MYPN: variants seen among roughly 807,000 people sequenced by gnomAD.
MYPN encodes sarcomeric protein myopalladin, 145 kDa (MYOP).
MYPN carries 63 observed loss-of-function variants against 129.4 expected under a neutral mutation model. That is an observed-to-expected ratio of 0.49 (90% CI 0.40 to 0.60). The LOEUF (loss-of-function observed/expected upper bound fraction) is 0.60. Among genes scored for constraint, MYPN ranks in the 20% least tolerant of loss-of-function variants. The pLI is 0.00. For missense variants in MYPN, 1,596 were observed against 1,635.4 expected, an observed-to-expected ratio of 0.98 and a Z score of 0.42; for synonymous variants, 629 against 600.9, an observed-to-expected ratio of 1.05 and a Z score of -0.68.
chr10:68,110,075 T>C (rs2042060603), intron 1 of MYPN, among the ~76,000 whole-genome samples: 1 of 152,260 alleles, frequency 6.6e-6, no homozygotes, highest in African/African-American at 2.4e-5. Context: ...CCAGTTTCCT[T>C]TTTAAAGGAA....
chr10:68,178,861 T>C (rs1211279510), intron 12 of MYPN, among the ~76,000 whole-genome samples: 2 of 152,086 alleles, frequency 1.3e-5, no homozygotes, highest in African/African-American at 4.8e-5. Context: ...ATTTCTAATC[T>C]CCATTTCCCA....
chr10:68,136,693 G>T, intron 2 of MYPN: 1 of 1,535,240 alleles, frequency 6.5e-7, no homozygotes, highest in South Asian at 1.2e-5. Context: ...TCTCCTTCTG[G>T]CTATCCAATT....
intron 10 of MYPN, among the ~76,000 whole-genome samples, chr10:68,169,081 C>T (rs1237953880): frequency 1.4e-5 from 2 of 146,170 alleles, no homozygotes; most frequent in Non-Finnish European, 1.5e-5. Flanking sequence ...CATGGTGGCT[C>T]ATGCCTGTAA....
upstream of MYPN, among the ~76,000 whole-genome samples, chr10:68,108,910 G>A (rs575317244): frequency 3.5e-4 from 53 of 152,088 alleles, 1 homozygote; most frequent in South Asian, 7.5e-3. Context: ...TAGTGGAGAC[G>A]GGGTTTCGCC....
chr10:68,142,920 C>T lies in MYPN; in HGVS notation c.903-20C>T, dbSNP rs2134066048. On this transcript the variant is annotated intron_variant, in intron 2 of 19. Transcript: ENST00000358913. ...CTTGCATTTGAGTCATGTCCAATGA[C>T]CATATCCTTTTCCCTGCAGGTGGTA... is the stretch of plus-strand genomic sequence containing the variant. The T allele has an allele frequency of 1.2e-6, 2 of 1,612,808 alleles. No homozygotes were observed. The highest frequency in any genetic ancestry group is 2.2e-5 in the South Asian group (2 of 91,054).
intron 2 of MYPN, among the ~76,000 whole-genome samples, chr10:68,123,835 C>T (rs993888977): frequency 8.5e-5 from 13 of 152,052 alleles, no homozygotes; most frequent in Non-Finnish European, 1.9e-4. Context: ...CAATTTATAG[C>T]CTAAAAAAGG....
At chr10:68,148,977 G>A (rs1268188426) in intron 5 of MYPN, among the ~76,000 whole-genome samples, 2 of 152,194 alleles carry the variant, frequency 1.3e-5, no homozygotes, top group African/African-American at 4.8e-5. Flanking sequence ...TGTGATCTCA[G>A]CACTTTGGGA....
At chr10:68,127,637 A>G (rs752573160) in intron 2 of MYPN, among the ~76,000 whole-genome samples, 13 of 151,874 alleles carry the variant, frequency 8.6e-5, no homozygotes, top group Non-Finnish European at 1.6e-4. Flanking sequence ...CAAGCCTGGG[A>G]CACATATATC....
chr10:68,134,408 C>A (rs1390511369), intron 2 of MYPN, among the ~76,000 whole-genome samples: 1 of 152,156 alleles, frequency 6.6e-6, no homozygotes, highest in East Asian at 1.9e-4. Flanking sequence ...ACTTTCTAGT[C>A]ACCCCTCCTC....
At chr10:68,168,991 TAAAA>T (rs71009012) in intron 10 of MYPN, among the ~76,000 whole-genome samples, 22,698 of 77,850 alleles carry the variant, frequency 0.29, 3,531 homozygotes, top group Non-Finnish European at 0.37. Context: ...GATTATTTCT[TAAAA>T]AAAAAAAAAA....
At chr10:68,124,628 C>T (rs372007177) in intron 2 of MYPN, among the ~76,000 whole-genome samples, 9 of 152,282 alleles carry the variant, frequency 5.9e-5, no homozygotes, top group East Asian at 5.8e-4. Context: ...TCCTGCTGAC[C>T]TCCTTGAGGG....
Position 68,166,397 on chromosome 10 carries a change from A to G in MYPN, c.1704A>G (p.Pro568=). The G allele has an allele frequency of 6.2e-7, 1 of 1,614,052 alleles. No individual in the cohort carries two copies. Among genetic ancestry groups the G allele is most frequent in the Non-Finnish European group, 8.5e-7 (1 of 1,180,030 alleles). The change falls in exon 10 of 20, where the codon CCA becomes CCG. Residue 568 remains proline, a synonymous_variant. Transcript: ENST00000358913. ...CCTCCCCACCCCACTCAGAGCCTCC[A>G]TCTGTGGAACAACCCCCCAAACCCA... is the stretch of plus-strand genomic sequence containing the variant. ...PQPSPPHSEP[P]SVEQPPKPKL... is the part of the protein sequence containing the mutation.
intron 2 of MYPN, among the ~76,000 whole-genome samples, chr10:68,126,721 A>G (rs563861885): frequency 3.9e-5 from 6 of 152,352 alleles, no homozygotes; most frequent in African/African-American, 1.4e-4. Flanking sequence ...TGGGGTCTCC[A>G]GCATGGACTG....
At chr10:68,127,048 G>A (rs914951287) in intron 2 of MYPN, among the ~76,000 whole-genome samples, 2 of 152,168 alleles carry the variant, frequency 1.3e-5, no homozygotes, top group African/African-American at 2.4e-5. Context: ...GCAATGGCCA[G>A]ATCTTGGCTC....
intron 10 of MYPN, among the ~76,000 whole-genome samples, chr10:68,169,174 T>C (rs1229008531): frequency 2.5e-5 from 2 of 81,226 alleles, no homozygotes; most frequent in Admixed American, 1.5e-4. Context: ...TGAAACTCCG[T>C]CTCTACTAAA....
In MYPN at chr10:68,109,491, C is replaced by A. The variant is rs773578413; in HGVS notation, c.-234C>A. 2.2e-6 allele frequency: 1 copy of A among 453,968 alleles called. No individual in the cohort carries two copies. Among genetic ancestry groups the A allele is most frequent in the Non-Finnish European group, 4.4e-6 (1 of 226,792 alleles). 28.1% of individuals were successfully genotyped at this position (453,968 alleles called of 1,614,324 possible). On this transcript the variant is annotated 5_prime_UTR_variant, in exon 1 of 20. It adds an upstream start codon to the 5' untranslated region. Transcript: ENST00000358913. Reference sequence around the variant, plus strand: ...CTCAAAATAACTTGGGACCTGTGAGCTGACAAATGCTCTGGCTCCGGTGGT... The same window carrying A: ...CTCAAAATAACTTGGGACCTGTGAGATGACAAATGCTCTGGCTCCGGTGGT...
chr10:68,162,611 T>C (rs2042995054), intron 8 of MYPN, among the ~76,000 whole-genome samples: 1 of 152,168 alleles, frequency 6.6e-6, no homozygotes, highest in Non-Finnish European at 1.5e-5. Context: ...AAAAATCAGA[T>C]TGTATTTGCA....
chr10:68,137,569 G>A (rs947783446), intron 2 of MYPN, among the ~76,000 whole-genome samples: 3 of 152,038 alleles, frequency 2.0e-5, no homozygotes, highest in Admixed American at 2.0e-4. Flanking sequence ...TAGTAATGCA[G>A]ATCTTCCAAA....
intron 16 of MYPN, 95 bp downstream of exon 16, chr10:68,197,573 T>A: frequency 6.4e-7 from 1 of 1,555,900 alleles, no homozygotes; most frequent in South Asian, 1.2e-5. Flanking sequence ...GGGTTTTTTT[T>A]TTCAGGAAAG....
Sources: allele counts gnomAD v4.1 joint callset (sites outside exome capture counted in the v4.1 genomes callset), GRCh38; gene constraint gnomAD v4.1.1; transcripts MANE v1.5; gene names NCBI Gene and HGNC (gene_info 2026-07-23, HGNC 2026-07-21).